TASP1: variants seen among roughly 807,000 people sequenced by gnomAD.
TASP1 encodes threonine aspartase 1.
Under a neutral mutation model 56.6 loss-of-function variants are expected in TASP1, and 16 were observed. That is an observed-to-expected ratio of 0.28 (90% CI 0.19 to 0.43). TASP1 has a LOEUF of 0.43. Ranked by LOEUF, TASP1 falls within the 20% of genes least tolerant of loss-of-function variation. TASP1 has a pLI of 1.00. For synonymous variants in TASP1, 179 were observed against 184.2 expected, an observed-to-expected ratio of 0.97 and a Z score of 0.23; for missense variants, 393 against 511.6, an observed-to-expected ratio of 0.77 and a Z score of 2.24.
At chr20:13,333,784 T>C in the TASP1 span, among the ~76,000 whole-genome samples, 1 of 152,252 alleles carries the variant, frequency 6.6e-6, no homozygotes, top group Admixed American at 6.5e-5. Context: ...TTTGAATCTT[T>C]TAAAATGCAT....
intron 1 of TASP1, among the ~76,000 whole-genome samples, chr20:13,636,312 A>AT (rs1173047379): frequency 0.03 from 4,048 of 132,774 alleles, 109 homozygotes; most frequent in Admixed American, 0.05. Context: ...TGCCGGGCTA[A>AT]TTTTTTTTTT....
chr20:13,247,216 A>T, the TASP1 span, among the ~76,000 whole-genome samples: 1 of 152,100 alleles, frequency 6.6e-6, no homozygotes, highest in Non-Finnish European at 1.5e-5. Context: ...GGGCAAAAAA[A>T]TGTGAATCTC....
At chr20:13,143,227 T>C in the TASP1 span, among the ~76,000 whole-genome samples, 2 of 152,194 alleles carry the variant, frequency 1.3e-5, no homozygotes, top group Non-Finnish European at 2.9e-5. Flanking sequence ...AGGTCAGTTA[T>C]GTAGACAAGA....
intron 7 of TASP1, 72 bp downstream of exon 7, chr20:13,569,435 C>T: frequency 3.4e-6 from 4 of 1,185,764 alleles, no homozygotes; most frequent in Non-Finnish European, 4.9e-6. Context: ...CTACATGGGT[C>T]ATAACAGAAG....
the TASP1 span, among the ~76,000 whole-genome samples, chr20:13,225,639 G>T: frequency 2.0e-5 from 3 of 152,064 alleles, no homozygotes. Flanking sequence ...TCCATATTGG[G>T]TAACTGGCTG....
At chr20:13,567,027 A>G (rs2046554123) in intron 7 of TASP1, among the ~76,000 whole-genome samples, 1 of 152,218 alleles carries the variant, frequency 6.6e-6, no homozygotes, top group Non-Finnish European at 1.5e-5. Flanking sequence ...GAATCAACCT[A>G]AATGCCCATC....
At chr20:13,344,608 C>T in the TASP1 span, among the ~76,000 whole-genome samples, 1 of 152,186 alleles carries the variant, frequency 6.6e-6, no homozygotes, top group Non-Finnish European at 1.5e-5. Flanking sequence ...CTCCTAGCCT[C>T]ATTTGATAAC....
intron 3 of TASP1, among the ~76,000 whole-genome samples, chr20:13,624,811 A>G (rs1343505235): frequency 6.6e-6 from 1 of 152,088 alleles, no homozygotes; most frequent in African/African-American, 2.4e-5. Flanking sequence ...AAGTATAGGA[A>G]AGTACCCATT....
the TASP1 span, among the ~76,000 whole-genome samples, chr20:13,250,491 C>T: frequency 1.3e-5 from 2 of 152,184 alleles, no homozygotes; most frequent in Admixed American, 1.3e-4. Flanking sequence ...TTGGGCAAAC[C>T]ATGGCAACAC....
the TASP1 span, among the ~76,000 whole-genome samples, chr20:13,356,754 C>A: frequency 2.6e-5 from 4 of 152,200 alleles, no homozygotes; most frequent in Non-Finnish European, 5.9e-5. Flanking sequence ...CCACTCAAAA[C>A]CAGATCTGAA....
At chr20:13,225,095 C>T in the TASP1 span, among the ~76,000 whole-genome samples, 34 of 151,378 alleles carry the variant, frequency 2.2e-4, no homozygotes, top group Non-Finnish European at 3.7e-4. Context: ...CCTCATGATC[C>T]GCCCGCCTTG....
Position 13,627,733 on chromosome 20 carries a change from T to TA in TASP1, c.145+2200dup, listed in dbSNP as rs35542097. ...GGGCAACAAGAGCGAAACTTAGTCT[T>TA]AAAAAAAAAAAAAAAAGTTGAGCCA... On this transcript the variant is annotated intron_variant, in intron 2 of 13. Coordinates refer to ENST00000337743, the MANE Select transcript of TASP1 (RefSeq NM_017714.3). Among the ~76,000 whole-genome samples, 506 of 119,432 alleles carry TA rather than the reference T, an allele frequency of 4.2e-3. 5 individuals carry two copies. The highest frequency in any genetic ancestry group is 0.012 in the East Asian group (51 of 4,226). 78.4% of individuals were successfully genotyped at this position (119,432 alleles called of 152,430 possible).
At chr20:13,373,799 G>A in the TASP1 span, among the ~76,000 whole-genome samples, 33 of 152,024 alleles carry the variant, frequency 2.2e-4, no homozygotes, top group Non-Finnish European at 4.4e-4. Flanking sequence ...CAAATTTGGG[G>A]AGCTTTCAGC....
At chr20:13,189,987 T>C in the TASP1 span, among the ~76,000 whole-genome samples, 3 of 152,138 alleles carry the variant, frequency 2.0e-5, no homozygotes, top group African/African-American at 4.8e-5. Flanking sequence ...AGAATAAAAT[T>C]ATGTGCTTTG....
At chr20:13,153,201 G>A in the TASP1 span, among the ~76,000 whole-genome samples, 2 of 152,162 alleles carry the variant, frequency 1.3e-5, no homozygotes, top group East Asian at 3.9e-4. Flanking sequence ...AGCAGGACCC[G>A]AGTAGACAGG....
chr20:13,320,060 C>T, the TASP1 span, among the ~76,000 whole-genome samples: 2 of 152,226 alleles, frequency 1.3e-5, no homozygotes, highest in Non-Finnish European at 2.9e-5. Context: ...AAGTCAGAAA[C>T]TGGGGTACAC....
the TASP1 span, chr20:13,168,618 T>A: frequency 6.6e-6 from 1 of 152,370 alleles, no homozygotes; most frequent in East Asian, 1.9e-4. Context: ...AATATTCTTT[T>A]GTATTTTTCT....
chr20:13,443,044 T>A (rs1195952869), intron 11 of TASP1, among the ~76,000 whole-genome samples: 1 of 152,204 alleles, frequency 6.6e-6, no homozygotes, highest in Non-Finnish European at 1.5e-5. Flanking sequence ...TGTATGAACT[T>A]TTTAACTTCT....
Position 13,550,061 on chromosome 20 carries a change from C to T in TASP1, c.675+8947G>A, listed in dbSNP as rs542649743. Among the ~76,000 whole-genome samples, 49 of 151,632 alleles carry T rather than the reference C, an allele frequency of 3.2e-4. No homozygotes were observed. The South Asian group carries it at 0.01, about 31-fold the overall frequency. On this transcript the variant is annotated intron_variant, in intron 8 of 13. Transcript: ENST00000337743. ...GTATAGCTTGGTGTGGATTTAAGGACGACCTGGGAAGAAACTCAATCTCCT... is the reference window on the plus strand; with the variant it reads ...GTATAGCTTGGTGTGGATTTAAGGATGACCTGGGAAGAAACTCAATCTCCT...
Sources: gnomAD v4.1 joint callset for allele counts (sites outside exome capture counted in the v4.1 genomes callset) on GRCh38, gnomAD v4.1.1 for gene constraint, MANE v1.5 for transcripts, NCBI Gene and HGNC (gene_info 2026-07-23, HGNC 2026-07-21) for gene names.